EIF4G3: variants seen among roughly 807,000 people sequenced by gnomAD.
EIF4G3 encodes the protein eIF-4-gamma 3.
A neutral mutation model predicts 186.4 loss-of-function variants in EIF4G3; 34 were observed. The observed-to-expected ratio is 0.18, with a 90% confidence interval of 0.14 to 0.24. The LOEUF is 0.24. Among genes scored for constraint, EIF4G3 ranks in the 10% least tolerant of loss-of-function variants. The pLI, the probability that EIF4G3 is intolerant of heterozygous loss-of-function variation, is 1.00. For missense variants in EIF4G3, 1,536 were observed against 1,948.5 expected (o/e 0.79, Z 3.99); for synonymous variants, 673 against 679.5 (o/e 0.99, Z 0.15).
chr1:20,887,189 C>A (rs1369218691), intron 18 of EIF4G3, among the ~76,000 whole-genome samples: 1 of 151,318 alleles, frequency 6.6e-6, no homozygotes, highest in Admixed American at 6.6e-5. Context: ...ATATATCATT[C>A]TGTTAGTGCT....
intron 7 of EIF4G3, among the ~76,000 whole-genome samples, chr1:20,993,943 T>C (rs930516135): frequency 1.5e-4 from 23 of 152,228 alleles, no homozygotes; most frequent in African/African-American, 5.5e-4. Flanking sequence ...CTGTAAATCT[T>C]TCAGGGTTTA....
chr1:20,885,450 C>T (rs2083818939), intron 19 of EIF4G3, among the ~76,000 whole-genome samples: 1 of 152,166 alleles, frequency 6.6e-6, no homozygotes, highest in Non-Finnish European at 1.5e-5. Context: ...CTTTGAACTG[C>T]TACACTTAAC....
Position 21,083,329 on chromosome 1 carries a change from C to G in EIF4G3, c.-196+5809G>C, listed in dbSNP as rs78622101. On this transcript the variant is annotated intron_variant, in intron 3 of 36. Transcript: ENST00000602326. ...CCTTTCTTCCAGAATAGGCATAAAA[C>G]ATAATATATACACAAACACATTTTT... is the stretch of plus-strand genomic sequence containing the variant. 3.7e-3 allele frequency among the ~76,000 whole-genome samples: 563 copies of G among 152,146 alleles called. 1 individual carries two copies. The highest frequency in any genetic ancestry group is 0.013 in the African/African-American group (542 of 41,502).
intron 7 of EIF4G3, among the ~76,000 whole-genome samples, chr1:20,991,385 T>C (rs2081066969): frequency 6.6e-6 from 1 of 152,092 alleles, no homozygotes; most frequent in Non-Finnish European, 1.5e-5. Context: ...CTGACCAACA[T>C]GGCAAAATCC....
chr1:20,820,721 G>C (rs1342709967), intron 33 of EIF4G3, among the ~76,000 whole-genome samples: 1 of 152,106 alleles, frequency 6.6e-6, no homozygotes, highest in East Asian at 1.9e-4. Flanking sequence ...GTAGCAGATG[G>C]GCAGAGGACA....
chr1:21,082,600 A>C lies in EIF4G3; in HGVS notation c.-196+6538T>G, dbSNP rs570147303. On this transcript the variant is annotated intron_variant, in intron 3 of 36. Coordinates refer to ENST00000602326, the MANE Select transcript of EIF4G3 (RefSeq NM_001391906.1). ...GGTTCCACCTCAAAACAAACAAAAAAACAACAAAAAAGGGGAAACCGGCAG... is the reference window on the plus strand; with the variant it reads ...GGTTCCACCTCAAAACAAACAAAAACACAACAAAAAAGGGGAAACCGGCAG... Among the ~76,000 whole-genome samples, 3 of 152,062 alleles carry C rather than the reference A, an allele frequency of 2.0e-5. No individual in the cohort carries two copies. In the East Asian group the frequency reaches 5.8e-4, roughly 30 times the overall value.
intron 14 of EIF4G3, among the ~76,000 whole-genome samples, chr1:20,936,538 G>A (rs977239690): frequency 6.6e-6 from 1 of 152,144 alleles, no homozygotes; most frequent in African/African-American, 2.4e-5. Context: ...TGGCCCCAGC[G>A]ACTAAATCTT....
chr1:20,892,392 A>G (rs1436588407), intron 18 of EIF4G3, among the ~76,000 whole-genome samples: 2 of 152,212 alleles, frequency 1.3e-5, no homozygotes, highest in Non-Finnish European at 2.9e-5. Context: ...CGAATCCTGC[A>G]CAGTGCAGTG....
intron 4 of EIF4G3, among the ~76,000 whole-genome samples, chr1:21,017,858 C>T (rs1358463170): frequency 3.3e-5 from 5 of 151,868 alleles, no homozygotes; most frequent in African/African-American, 9.7e-5. Flanking sequence ...GGATAAGGGA[C>T]ACTAGATCTG....
chr1:21,109,557 G>A (rs2096680675), intron 2 of EIF4G3, among the ~76,000 whole-genome samples: 1 of 152,138 alleles, frequency 6.6e-6, no homozygotes, highest in Admixed American at 6.5e-5. Flanking sequence ...AAGTAAATAA[G>A]ACAAAGACTA....
chr1:21,054,775 A>C (rs536528445), intron 3 of EIF4G3, among the ~76,000 whole-genome samples: 2 of 151,940 alleles, frequency 1.3e-5, no homozygotes, highest in South Asian at 2.1e-4. Context: ...ATAACTCTCT[A>C]AACAGATATA....
At chr1:21,138,350 A>G (rs1365367926) in intron 2 of EIF4G3, among the ~76,000 whole-genome samples, 2 of 152,224 alleles carry the variant, frequency 1.3e-5, no homozygotes, top group Admixed American at 1.3e-4. Flanking sequence ...CAATGACCCA[A>G]GTCCCTCAAG....
At chr1:20,902,752 T>C (rs2090796678) in intron 15 of EIF4G3, among the ~76,000 whole-genome samples, 1 of 152,202 alleles carries the variant, frequency 6.6e-6, no homozygotes, top group African/African-American at 2.4e-5. Flanking sequence ...GTGATTCTCC[T>C]GTCTCAGCTT....
chr1:21,172,789 C>A (rs1306055427), intron 2 of EIF4G3, among the ~76,000 whole-genome samples: 2 of 149,658 alleles, frequency 1.3e-5, no homozygotes, highest in Non-Finnish European at 1.5e-5. Context: ...ATCTCATGAT[C>A]TGCCCACCTC....
intron 2 of EIF4G3, among the ~76,000 whole-genome samples, chr1:21,105,764 T>A (rs1283000647): frequency 6.6e-6 from 1 of 152,062 alleles, no homozygotes; most frequent in African/African-American, 2.4e-5. Flanking sequence ...ACAGCTGTGA[T>A]CAAGGATGAT....
Position 20,981,532 on chromosome 1 carries a change from T to C in EIF4G3, c.199-305A>G, listed in dbSNP as rs967100001. On this transcript the variant is annotated intron_variant, in intron 8 of 36. Coordinates refer to ENST00000602326, the MANE Select transcript of EIF4G3 (RefSeq NM_001391906.1). The stretch of plus-strand genomic sequence containing the variant: ...TACTGTATATATACATACATACATG[T>C]ATACGCACATACTGTATGTATACAT... Among the ~76,000 whole-genome samples the C allele has an allele frequency of 1.9e-4, 13 of 67,438 alleles. 1 individual carries two copies. The highest frequency in any genetic ancestry group is 3.3e-4 in the Non-Finnish European group (9 of 27,308). The allele number at this position is 67,438 out of a possible 152,430, so 44.2% of individuals were successfully genotyped here. A position where few individuals can be genotyped will look rare whatever the true frequency, so the allele number is the denominator to read the frequency against.
Position 21,161,191 on chromosome 1 carries a change from TTGAC to T in EIF4G3, c.-272+14980_-272+14983del, listed in dbSNP as rs745370242. Among the ~76,000 whole-genome samples the T allele has an allele frequency of 8.7e-5, 13 of 150,124 alleles. No homozygotes were observed. The East Asian group carries it at 2.2e-3, about 25-fold the overall frequency. ...ATCTCATAAAGAAGTTTCTTCCTCT[TTGAC>T]TGAGCGTTGGTTGAAAAACAAGTGC... On this transcript the variant is annotated intron_variant, in intron 2 of 36. Coordinates refer to ENST00000602326, the MANE Select transcript of EIF4G3 (RefSeq NM_001391906.1).
chr1:20,815,535 C>G (rs954542389), intron 34 of EIF4G3, among the ~76,000 whole-genome samples: 91 of 151,842 alleles, frequency 6.0e-4, no homozygotes, highest in Admixed American at 2.6e-3. Flanking sequence ...TGAGGAAACC[C>G]TCTGCCTGGC....
intron 4 of EIF4G3, among the ~76,000 whole-genome samples, chr1:21,018,374 G>A (rs1312135475): frequency 1.3e-5 from 2 of 152,074 alleles, no homozygotes; most frequent in East Asian, 3.8e-4. Flanking sequence ...AAGGTCAGTA[G>A]TTCAAGACCA....
Sources: allele counts gnomAD v4.1 joint callset (sites outside exome capture counted in the v4.1 genomes callset), GRCh38; gene constraint gnomAD v4.1.1; transcripts MANE v1.5; gene names NCBI Gene and HGNC (gene_info 2026-07-23, HGNC 2026-07-21).